Variants in ABL1 observed in about 807,000 individuals in gnomAD.
The protein encoded by ABL1 is tyrosine-protein kinase ABL1.
A neutral mutation model predicts 94.7 loss-of-function variants in ABL1; 11 were observed. That is an observed-to-expected ratio of 0.12 (90% confidence interval 0.07 to 0.19). ABL1 has a LOEUF of 0.19. ABL1 is among the 10% of genes least tolerant of loss of function. The probability of loss-of-function intolerance (pLI) is 1.00; values close to 1 mark genes in which losing one functional copy is unlikely to be tolerated. For missense variants in ABL1, 1,082 were observed against 1,489.4 expected, an observed-to-expected ratio of 0.73 and a Z score of 4.50; for synonymous variants, 656 against 622.4, an observed-to-expected ratio of 1.05 and a Z score of -0.80.
At chr9:130,856,611 A>G (rs1830979975) in intron 3 of ABL1, among the ~76,000 whole-genome samples, 1 of 152,200 alleles carries the variant, frequency 6.6e-6, no homozygotes, top group Admixed American at 6.5e-5. Context: ...ATCGTCTCCT[A>G]ATTCACTTTT....
chr9:130,751,360 C>G (rs548646552), intron 1 of ABL1, among the ~76,000 whole-genome samples: 1 of 152,056 alleles, frequency 6.6e-6, no homozygotes, highest in East Asian at 1.9e-4. Context: ...CCAGGCTAGT[C>G]TTGAACTCCT....
At chr9:130,845,800 C>T (rs1830759059) in intron 1 of ABL1, among the ~76,000 whole-genome samples, 1 of 151,966 alleles carries the variant, frequency 6.6e-6, no homozygotes, top group Non-Finnish European at 1.5e-5. Context: ...TTCTCCTTTG[C>T]AATCCTCTGT....
At chr9:130,803,495 C>T (rs973066257) in intron 1 of ABL1, among the ~76,000 whole-genome samples, 2 of 152,024 alleles carry the variant, frequency 1.3e-5, no homozygotes, top group Non-Finnish European at 2.9e-5. Flanking sequence ...AATTTGGAAA[C>T]ATACAACAAT....
At chr9:130,735,093 G>A (rs1342126319) in intron 1 of ABL1, among the ~76,000 whole-genome samples, 1 of 152,034 alleles carries the variant, frequency 6.6e-6, no homozygotes, top group Non-Finnish European at 1.5e-5. Context: ...GCAATGGCAT[G>A]ATCTTGGCTT....
intron 3 of ABL1, among the ~76,000 whole-genome samples, chr9:130,860,578 G>A (rs1437983382): frequency 6.6e-6 from 1 of 152,196 alleles, no homozygotes; most frequent in East Asian, 1.9e-4. Flanking sequence ...CTGCTCCGAC[G>A]GGAGAGAGGG....
intron 10 of ABL1, among the ~76,000 whole-genome samples, chr9:130,882,350 A>G (rs1015961513): frequency 6.6e-6 from 1 of 152,066 alleles, no homozygotes; most frequent in African/African-American, 2.4e-5. Flanking sequence ...TCCTTCCACT[A>G]GATTAAAGTT....
intron 1 of ABL1, among the ~76,000 whole-genome samples, chr9:130,739,504 T>C (rs1435460658): frequency 1.3e-5 from 2 of 152,164 alleles, no homozygotes; most frequent in African/African-American, 4.8e-5. Context: ...TTGTAAATTA[T>C]TCAATCAAGG....
rs182673987 is a variant in ABL1, at chr9:130,718,740, C to G, written c.136+4285C>G. On this transcript the variant is annotated intron_variant, in intron 1 of 10. Transcript: ENST00000372348. Reference sequence around the variant, plus strand: ...TACAACAAGAACAAAAGAAATTAGCCAGACGTGTTATCACACCTGTGTTCC... The same window carrying G: ...TACAACAAGAACAAAAGAAATTAGCGAGACGTGTTATCACACCTGTGTTCC... 2.8e-4 allele frequency among the ~76,000 whole-genome samples: 42 copies of G among 152,214 alleles called. No individual in the cohort carries two copies. In the East Asian group the frequency reaches 6.8e-3, roughly 25 times the overall value.
intron 1 of ABL1, among the ~76,000 whole-genome samples, chr9:130,844,112 G>GC (rs1830720425): frequency 6.6e-6 from 1 of 152,164 alleles, no homozygotes. Flanking sequence ...CACCTCCCAA[G>GC]CCCATGCTCT....
chr9:130,830,436 T>C (rs1486707355), upstream of ABL1, among the ~76,000 whole-genome samples: 1 of 152,214 alleles, frequency 6.6e-6, no homozygotes, highest in Non-Finnish European at 1.5e-5. Context: ...GAAGCTGTGG[T>C]TGCAAATCTT....
At chr9:130,733,597 T>TTTTTTG (rs1831694102) in intron 1 of ABL1, among the ~76,000 whole-genome samples, 1 of 147,970 alleles carries the variant, frequency 6.8e-6, no homozygotes, top group African/African-American at 2.5e-5. Flanking sequence ...TTTTTTTTTT[T>TTTTTTG]GAGACAGAGT....
chr9:130,853,770 G>A (rs1830926946), intron 1 of ABL1, among the ~76,000 whole-genome samples: 1 of 152,238 alleles, frequency 6.6e-6, no homozygotes. Flanking sequence ...TATGTGGATA[G>A]ACTGTTTTAA....
chr9:130,750,644 C>CTTTTTTTTTTTTTTTTTTTTT (rs71389345), intron 1 of ABL1, among the ~76,000 whole-genome samples: 5 of 87,284 alleles, frequency 5.7e-5, no homozygotes, highest in African/African-American at 2.4e-4. Context: ...CTTTTTCTTT[C>CTTTTTTTTTTTTTTTTTTTTT]TTTTTTTTTT....
chr9:130,780,139 A>G (rs964065353), intron 1 of ABL1, among the ~76,000 whole-genome samples: 3 of 151,648 alleles, frequency 2.0e-5, no homozygotes, highest in Admixed American at 6.6e-5. Context: ...ACAAAAAAAT[A>G]CTCCGGGCGC....
At chr9:130,828,216 C>G (rs555748042) in intron 1 of ABL1, among the ~76,000 whole-genome samples, 13 of 152,222 alleles carry the variant, frequency 8.5e-5, no homozygotes, top group Admixed American at 1.3e-4. Flanking sequence ...GCACGCACCA[C>G]CACACCTGGC....
At chr9:130,741,656 A>G (rs1831820885) in intron 1 of ABL1, among the ~76,000 whole-genome samples, 1 of 151,904 alleles carries the variant, frequency 6.6e-6, no homozygotes, top group South Asian at 2.1e-4. Context: ...ACCAGTTACC[A>G]TGCTGGAGTA....
chr9:130,714,396 C>G, exon 1 of ABL1: 2 of 1,614,022 alleles, frequency 1.2e-6, no homozygotes, highest in Non-Finnish European at 8.5e-7. Flanking sequence ...ATCAAAGGAG[C>G]AGGGAAGAAG....
Position 130,885,473 on chromosome 9 carries a change from A to T in ABL1, c.3183A>T (p.Lys1061Asn). The T allele has an allele frequency of 6.2e-7, 1 of 1,614,088 alleles. No homozygotes were observed. Among genetic ancestry groups the T allele is most frequent in the Non-Finnish European group, 8.5e-7 (1 of 1,180,046 alleles). The change falls in exon 11 of 11, where the codon AAA becomes AAT. Residue 1061 changes from lysine to asparagine, a missense_variant. By Grantham distance (94) the Lys-to-Asn change is moderately conservative. This residue lies in a region of ABL1 where 780 missense variants were observed against 835.8 expected (regional missense o/e 0.93). Transcript: ENST00000318560. ...ASHSAVLEAGKNLYTFCVSYV... is the reference protein window; with the variant it reads ...ASHSAVLEAGNNLYTFCVSYV... ...ACAGCGCAGTGCTGGAGGCCGGCAA[A>T]AACCTCTACACGTTCTGCGTGAGCT...
chr9:130,835,469 T>C lies in ABL1; in HGVS notation c.23T>C (p.Leu8Pro). ...AAAATGTTGGAGATCTGCCTGAAGCTGGTGGGCTGCAAATCCAAGAAGGGG... is the reference window on the plus strand; with the variant it reads ...AAAATGTTGGAGATCTGCCTGAAGCCGGTGGGCTGCAAATCCAAGAAGGGG... The part of the protein sequence containing the change: MLEICLK[L>P]VGCKSKKGLS... The change falls in exon 1 of 11, where the codon CTG becomes CCG. Residue 8 changes from leucine (L) to proline (P), a missense_variant. Coordinates refer to ENST00000318560, the MANE Select transcript of ABL1 (RefSeq NM_005157.6). This position sits in a 1 kb window ranked among gnomAD's most constrained non-coding sequence, Gnocchi z 4.6. 1 of 1,561,712 alleles carries C rather than the reference T, an allele frequency of 6.4e-7. No individual in the cohort carries two copies. The highest frequency in any genetic ancestry group is 8.7e-7 in the Non-Finnish European group (1 of 1,152,402).
Sources: allele counts gnomAD v4.1 joint callset (sites outside exome capture counted in the v4.1 genomes callset), GRCh38; gene constraint gnomAD v4.1.1; regional missense constraint gnomAD v4.1.1; non-coding constraint Gnocchi (gnomAD v3.1); transcripts MANE v1.5; gene names NCBI Gene and HGNC (gene_info 2026-07-23, HGNC 2026-07-21).